LIG3: variants seen among roughly 807,000 people sequenced by gnomAD.
LIG3 encodes ligase II, DNA, ATP-dependent.
Under a neutral mutation model 110.9 loss-of-function variants are expected in LIG3, and 58 were observed. The ratio of observed to expected loss-of-function variants is 0.52; its 90% confidence interval spans 0.42 to 0.65. LIG3 has a LOEUF of 0.65. Among genes scored for constraint, LIG3 ranks in the 30% least tolerant of loss-of-function variants. The pLI, the probability that LIG3 is intolerant of heterozygous loss-of-function variation, is 0.00. For synonymous variants in LIG3, 422 were observed against 472.8 expected (o/e 0.89, Z 1.39); for missense variants, 1,094 against 1,273.8 (o/e 0.86, Z 2.15).
At chr17:35,002,384 T>C (rs2090852648) in intron 18 of LIG3, among the ~76,000 whole-genome samples, 1 of 152,204 alleles carries the variant, frequency 6.6e-6, no homozygotes, top group Non-Finnish European at 1.5e-5. Flanking sequence ...GCTTAGCTGA[T>C]AACTCTTCAC....
rs1015276617 is a variant in LIG3 at position 35,002,674 on chromosome 17, T to C, written c.2681T>C (p.Met894Thr). 3 of 1,612,862 alleles carry C rather than the reference T, an allele frequency of 1.9e-6. No individual in the cohort carries two copies. The highest frequency in any genetic ancestry group is 2.5e-6 in the Non-Finnish European group (3 of 1,179,658). Residue 894 changes from methionine (M) to threonine (T), a missense_variant, in exon 19 of 20, where the codon ATG (methionine) becomes ACG (threonine). Met to Thr is a moderately conservative substitution (Grantham distance 81). Transcript: ENST00000378526. The stretch of plus-strand genomic sequence containing the variant: ...CTTCCTCTCTGTCCTGCAGGCAACA[T>C]GCAGACTGCAAAGCCTTCCGCTATG... ...LSNSNSKDGN[M>T]QTAKPSAMKV...
chr17:34,989,539 C>A lies in LIG3; in HGVS notation c.765C>A (p.Asp255Glu), dbSNP rs2090695145. 2 of 1,614,058 alleles carry A rather than the reference C, an allele frequency of 1.2e-6. No individual in the cohort carries two copies. Among genetic ancestry groups the A allele is most frequent in the South Asian group, 1.1e-5 (1 of 91,074 alleles). The change falls in exon 4 of 20, where the codon GAC (aspartate) becomes GAA (glutamate). Residue 255 changes from aspartate to glutamate, a missense_variant. By Grantham distance (45) the Asp-to-Glu change is conservative. Coordinates refer to ENST00000378526, the MANE Select transcript of LIG3 (RefSeq NM_013975.4). ...PKRSLSSSKC[D>E]PRHKDCLLRE... ...GAAGTCTGTCTTCAAGCAAATGTGA[C>A]CCCAGGCATAAGGACTGTCTGCTAC...
chr17:34,993,754 A>G (rs1567690029), intron 8 of LIG3, among the ~76,000 whole-genome samples: 1 of 152,144 alleles, frequency 6.6e-6, no homozygotes, highest in Non-Finnish European at 1.5e-5. Context: ...GCGCTCCCAA[A>G]ATGGTAGCTA....
At chr17:34,998,803 T>G in intron 14 of LIG3, 76 bp downstream of exon 14, 1 of 1,516,270 alleles carries the variant, frequency 6.6e-7, no homozygotes, top group East Asian at 2.3e-5. Flanking sequence ...GCCTTGTTAC[T>G]GGCTTGATCT....
At chr17:34,993,518 G>T (rs1382608440) in intron 8 of LIG3, among the ~76,000 whole-genome samples, 1 of 152,208 alleles carries the variant, frequency 6.6e-6, no homozygotes, top group Non-Finnish European at 1.5e-5. Flanking sequence ...CCTGGAGTCT[G>T]TTCTATAGTT....
chr17:34,982,246 T>C (rs1002442988), intron 1 of LIG3, among the ~76,000 whole-genome samples: 1 of 152,192 alleles, frequency 6.6e-6, no homozygotes, highest in Admixed American at 6.5e-5. Context: ...GGATTCTAAC[T>C]CAATTCCAAA....
downstream of LIG3, chr17:35,009,895 T>G (rs3744358): frequency 0.26 from 40,344 of 152,578 alleles, 5,779 homozygotes; most frequent in Admixed American, 0.39. Context: ...AGTAGCTGAA[T>G]GAATGATCCT....
In LIG3 at chr17:34,997,193, GC is replaced by G. The variant is rs1360313313; in HGVS notation, c.1823+542del. 28 of 164,952 alleles carry G rather than the reference GC, an allele frequency of 1.7e-4. 2 individuals are homozygous for G. The East Asian group carries it at 4.5e-3, about 26-fold the overall frequency. The allele number at this position is 164,952 out of a possible 1,614,324, so 10.2% of individuals were successfully genotyped here. A position where few individuals can be genotyped will look rare whatever the true frequency, so the allele number is the denominator to read the frequency against. ...GACTTAGCTGCATCCATATGCTTGT[GC>G]CTGAGAAACCAGTATCAGCCCTTTC... is the stretch of plus-strand genomic sequence containing the variant. On this transcript the variant is annotated intron_variant, in intron 11 of 19. Coordinates refer to ENST00000378526, the MANE Select transcript of LIG3 (RefSeq NM_013975.4).
At chr17:34,992,747 T>A in intron 8 of LIG3, 55 bp downstream of exon 8, 1 of 1,489,528 alleles carries the variant, frequency 6.7e-7, no homozygotes, top group Non-Finnish European at 9.0e-7. Context: ...CCACATCCTT[T>A]GGGCTGAGAT....
At chr17:34,982,856 T>C (rs932913001) in intron 1 of LIG3, 146 bp from the exon 2 acceptor site, 7 of 591,550 alleles carry the variant, frequency 1.2e-5, no homozygotes, top group Non-Finnish European at 2.0e-5. Flanking sequence ...TTTCATGCTG[T>C]AGAGTAGACT....
chr17:34,996,647 T>C lies in LIG3; in HGVS notation c.1817T>C (p.Met606Thr). The change falls in exon 11 of 20, where the codon ATG becomes ACG. Residue 606 changes from methionine to threonine, a missense_variant. Coordinates refer to ENST00000378526, the MANE Select transcript of LIG3 (RefSeq NM_013975.4). ...DCIYFNDVSLMDRPLCERRKF... is the reference protein window; with the variant it reads ...DCIYFNDVSLTDRPLCERRKF... ...ATCTACTTTAATGATGTCAGCTTGA[T>C]GGACAGGTGAGTTGGCTAGCATCTT... is the stretch of plus-strand genomic sequence containing the variant. The C allele has an allele frequency of 6.2e-7, 1 of 1,613,454 alleles. No individual in the cohort carries two copies. Among genetic ancestry groups the C allele is most frequent in the Non-Finnish European group, 8.5e-7 (1 of 1,179,442 alleles).
At chr17:34,984,995 G>A (rs1310038145) in intron 2 of LIG3, among the ~76,000 whole-genome samples, 1 of 152,060 alleles carries the variant, frequency 6.6e-6, no homozygotes, top group Non-Finnish European at 1.5e-5. Flanking sequence ...TCCAGCTGGT[G>A]TTGAACCCCT....
chr17:34,998,321 C>A (rs1172113345), intron 13 of LIG3, 25 bp downstream of exon 13: 3 of 1,590,818 alleles, frequency 1.9e-6, no homozygotes, highest in African/African-American at 1.3e-5. Context: ...CTTGGCTTCT[C>A]CTGTCGACTC....
intron 1 of LIG3, chr17:34,981,131 G>C (rs982540443): frequency 2.6e-5 from 4 of 152,340 alleles, no homozygotes; most frequent in East Asian, 1.9e-4. Context: ...TTTCCTTCTC[G>C]GGCCCCTGGG....
At chr17:34,982,252 C>G (rs151114911) in intron 1 of LIG3, among the ~76,000 whole-genome samples, 19 of 152,264 alleles carry the variant, frequency 1.2e-4, no homozygotes, top group African/African-American at 4.6e-4. Flanking sequence ...TAACTCAATT[C>G]CAAATCTATA....
chr17:34,985,246 C>G (rs1322091719), intron 2 of LIG3, among the ~76,000 whole-genome samples: 1 of 152,142 alleles, frequency 6.6e-6, no homozygotes, highest in East Asian at 1.9e-4. Context: ...TCCAGTTAGT[C>G]CTCTTTGACC....
Position 35,005,265 on chromosome 17 carries a change from G to A in LIG3, c.*759G>A. ...CTTTAAGAATAAAAATCCACATGGG[G>A]CTTGAGGCCAAGAACAGCCCTTGTT... On this transcript the variant is annotated 3_prime_UTR_variant, in exon 20 of 20. Coordinates refer to ENST00000378526, the MANE Select transcript of LIG3 (RefSeq NM_013975.4). 1.9e-6 allele frequency: 1 copy of A among 520,072 alleles called. No individual in the cohort carries two copies. The highest frequency in any genetic ancestry group is 3.9e-6 in the Non-Finnish European group (1 of 257,970). 32.2% of individuals were successfully genotyped at this position (520,072 alleles called of 1,614,324 possible).
intron 5 of LIG3, 106 bp from the exon 6 acceptor site, chr17:34,991,565 A>G (rs1370883005): frequency 9.2e-7 from 1 of 1,086,476 alleles, no homozygotes; most frequent in Non-Finnish European, 1.4e-6. Flanking sequence ...GAGTTGGGAT[A>G]GGAGCTATGA....
rs1257236877 is a variant in LIG3, at chr17:34,996,398, G to C, written c.1744-176G>C. 5.0e-6 allele frequency: 4 copies of C among 793,662 alleles called. No homozygotes were observed. The African/African-American group carries it at 5.2e-5, about 10-fold the overall frequency. The allele number at this position is 793,662 out of a possible 1,614,324, so 49.2% of individuals were successfully genotyped here. ...GTATTGGGAACCAGTTTATAACTGG[G>C]TTGGTTTCCATTTAGCACTATCTGC... On this transcript the variant is annotated intron_variant, in intron 10 of 19. Coordinates refer to ENST00000378526, the MANE Select transcript of LIG3 (RefSeq NM_013975.4).
Sources: gnomAD v4.1 joint callset for allele counts (sites outside exome capture counted in the v4.1 genomes callset) on GRCh38, gnomAD v4.1.1 for gene constraint, MANE v1.5 for transcripts, NCBI Gene and HGNC (gene_info 2026-07-23, HGNC 2026-07-21) for gene names.